CAB39L: variants seen among roughly 807,000 people sequenced by gnomAD.
CAB39L encodes the protein calcium-binding protein 39-like.
In CAB39L, 23 loss-of-function variants were observed where a neutral mutation model predicts 39.1. That is an observed-to-expected ratio of 0.59 (90% CI 0.42 to 0.83). The LOEUF is 0.83. CAB39L is among the 40% of genes least tolerant of loss of function. The pLI is 0.00. For synonymous variants in CAB39L, 126 were observed against 137.2 expected, an observed-to-expected ratio of 0.92 and a Z score of 0.57; for missense variants, 366 against 391.9, an observed-to-expected ratio of 0.93 and a Z score of 0.56.
chr13:49,377,805 G>C (rs1194825695), intron 4 of CAB39L, among the ~76,000 whole-genome samples: 1 of 89,334 alleles, frequency 1.1e-5, no homozygotes. Context: ...GCCTCTGCCC[G>C]GCCGCCACCC....
intron 3 of CAB39L, among the ~76,000 whole-genome samples, chr13:49,388,376 A>G (rs1956414807): frequency 6.6e-6 from 1 of 152,242 alleles, no homozygotes; most frequent in Non-Finnish European, 1.5e-5. Flanking sequence ...AGCTTTTAAA[A>G]TAAACATTTC....
intron 1 of CAB39L, among the ~76,000 whole-genome samples, chr13:49,435,399 A>T (rs1957392674): frequency 6.6e-6 from 1 of 152,192 alleles, no homozygotes; most frequent in African/African-American, 2.4e-5. Context: ...CAAAGTGCCT[A>T]TTTCCCCACA....
rs1457443607 is a variant in CAB39L, at chr13:49,326,699, G to A, written c.834+5248C>T. The stretch of plus-strand genomic sequence containing the variant: ...AGTGGAAGGAACATAGCCGGGGTAC[G>A]GGGCAGGCCAAGTTACACACATACA... On this transcript the variant is annotated intron_variant, in intron 10 of 10. Coordinates refer to ENST00000409308, the MANE Select transcript of CAB39L (RefSeq NM_001079670.3). Among the ~76,000 whole-genome samples, 3 of 152,158 alleles carry A rather than the reference G, an allele frequency of 2.0e-5. 1 individual carries two copies. The South Asian group carries it at 6.2e-4, about 32-fold the overall frequency.
intron 1 of CAB39L, 59 bp downstream of exon 1, chr13:49,443,927 T>C (rs1350907820): frequency 2.2e-6 from 1 of 456,518 alleles, no homozygotes; most frequent in Non-Finnish European, 4.4e-6. Context: ...GCTATGTATG[T>C]TTTCAACCCC....
At chr13:49,437,252 AAAGTG>A (rs1957432510) in intron 1 of CAB39L, among the ~76,000 whole-genome samples, 1 of 152,210 alleles carries the variant, frequency 6.6e-6, no homozygotes, top group African/African-American at 2.4e-5. Context: ...AGTACCTAAT[AAAGTG>A]TTTTTTTGTT....
At chr13:49,404,910 T>C (rs1332502264) in intron 3 of CAB39L, among the ~76,000 whole-genome samples, 4 of 152,064 alleles carry the variant, frequency 2.6e-5, no homozygotes, top group Admixed American at 6.6e-5. Context: ...ATAAAAATAA[T>C]GTAGCATGCC....
rs1235556363 is a variant in CAB39L, at chr13:49,438,209, C to CT, written c.-245-3987dup. Among the ~76,000 whole-genome samples, 4 of 152,230 alleles carry CT rather than the reference C, an allele frequency of 2.6e-5. No individual in the cohort carries two copies. The East Asian group carries it at 5.8e-4, about 22-fold the overall frequency. ...AGCTTCCACCTGTCAGCTTCAAGGGCTTTTTTCTCCCAGCTAATGCCTAAA... is the reference window on the plus strand; with the variant it reads ...AGCTTCCACCTGTCAGCTTCAAGGGCTTTTTTTCTCCCAGCTAATGCCTAAA... On this transcript the variant is annotated intron_variant, in intron 1 of 10. Coordinates refer to ENST00000409308, the MANE Select transcript of CAB39L (RefSeq NM_001079670.3).
intron 3 of CAB39L, among the ~76,000 whole-genome samples, chr13:49,387,307 T>C (rs1411597820): frequency 1.3e-5 from 2 of 152,124 alleles, no homozygotes; most frequent in African/African-American, 4.8e-5. Context: ...TGGTGCCTTG[T>C]GGGGATAAGG....
intron 7 of CAB39L, 66 bp downstream of exon 7, chr13:49,350,676 ATT>A: frequency 8.2e-7 from 1 of 1,222,582 alleles, no homozygotes. Context: ...GCTTTTTAAA[ATT>A]AAATTGCCTC....
chr13:49,331,759 TC>T (rs1235781529), intron 10 of CAB39L, among the ~76,000 whole-genome samples, 187 bp downstream of exon 10: 1 of 152,144 alleles, frequency 6.6e-6, no homozygotes, highest in Non-Finnish European at 1.5e-5. Context: ...TATGGATTAG[TC>T]AGCAAACCTT....
At chr13:49,329,583 ATATATATATATATAATG>A (rs1954626103) in intron 10 of CAB39L, among the ~76,000 whole-genome samples, 1 of 115,596 alleles carries the variant, frequency 8.7e-6, no homozygotes, top group Admixed American at 8.8e-5. Flanking sequence ...ATATATATAT[ATATATATATATATAATG>A]ATGTAATAAA....
In CAB39L at chr13:49,310,973, G is replaced by T; in HGVS notation, c.855C>A (p.His285Gln). 1 of 1,613,802 alleles carries T rather than the reference G, an allele frequency of 6.2e-7. No homozygotes were observed. Among genetic ancestry groups the T allele is most frequent in the Non-Finnish European group, 8.5e-7 (1 of 1,179,878 alleles). The stretch of plus-strand genomic sequence containing the variant: ...GGATCTCCACAATAGGCTGTGTTTT[G>T]TGAGGACTGGCCACAAACACCTGAA... The part of the protein sequence containing the change: ...HVFKVFVASP[H>Q]KTQPIVEILL... Residue 285 changes from histidine (H) to glutamine (Q), a missense_variant, in exon 11 of 11, where the codon CAC (histidine) becomes CAA (glutamine). His to Gln is a conservative substitution (Grantham distance 24). Transcript: ENST00000409308.
intron 3 of CAB39L, among the ~76,000 whole-genome samples, chr13:49,414,837 TA>T (rs2138695387): frequency 6.6e-6 from 1 of 152,300 alleles, no homozygotes; most frequent in Non-Finnish European, 1.5e-5. Context: ...ATAGCATTTA[TA>T]AGTGGAAAAT....
chr13:49,387,400 A>G (rs12716688), intron 3 of CAB39L, among the ~76,000 whole-genome samples: 81,045 of 151,758 alleles, frequency 0.53, 22,906 homozygotes, highest in African/African-American at 0.7. Flanking sequence ...GGCAGTGGGG[A>G]CAGGAAAAGA....
chr13:49,427,165 C>T (rs1957256993), intron 3 of CAB39L, among the ~76,000 whole-genome samples: 1 of 152,160 alleles, frequency 6.6e-6, no homozygotes, highest in African/African-American at 2.4e-5. Context: ...CTACAGGTGA[C>T]AGTGTTGCAT....
chr13:49,376,891 G>GATAGATAGATAGATAGA (rs1956075612), intron 5 of CAB39L, 76 bp downstream of exon 5: 7 of 787,252 alleles, frequency 8.9e-6, no homozygotes, highest in South Asian at 3.0e-5. Flanking sequence ...AAGTTGAATA[G>GATAGATAGATAGATAGA]TAGATAGATA....
intron 3 of CAB39L, among the ~76,000 whole-genome samples, chr13:49,397,411 C>T (rs1956665553): frequency 6.6e-6 from 1 of 152,096 alleles, no homozygotes; most frequent in African/African-American, 2.4e-5. Flanking sequence ...TCCCATTCAT[C>T]TGGAAGCCTC....
In CAB39L at chr13:49,350,786, C is replaced by T; in HGVS notation, c.522G>A (p.Leu174=). ...QFRDFFKYVE[L]STFDIASDAF... is the part of the protein sequence containing the mutation. ...CATCTGAAGCAATATCAAATGTTGACAACTCCACGTACTTAAAGAAATCTC... is the reference window on the plus strand; with the variant it reads ...CATCTGAAGCAATATCAAATGTTGATAACTCCACGTACTTAAAGAAATCTC... The change falls in exon 7 of 11, where the codon TTG becomes TTA. Residue 174 remains leucine (L), a synonymous_variant. Coordinates refer to ENST00000409308, the MANE Select transcript of CAB39L (RefSeq NM_001079670.3). 6.3e-7 allele frequency: 1 copy of T among 1,590,318 alleles called. No homozygotes were observed. The highest frequency in any genetic ancestry group is 8.5e-7 in the Non-Finnish European group (1 of 1,170,106).
chr13:49,378,604 G>A (rs1177952709), intron 4 of CAB39L, among the ~76,000 whole-genome samples: 15 of 61,972 alleles, frequency 2.4e-4, no homozygotes, highest in East Asian at 6.2e-4. Context: ...TCAGCCCTCC[G>A]CCCGGCCAGC....
Sources: gnomAD v4.1 joint callset for allele counts (sites outside exome capture counted in the v4.1 genomes callset) on GRCh38, gnomAD v4.1.1 for gene constraint, MANE v1.5 for transcripts, NCBI Gene and HGNC (gene_info 2026-07-23, HGNC 2026-07-21) for gene names.